FOXP4: variants seen among roughly 807,000 people sequenced by gnomAD.
The protein encoded by FOXP4 is forkhead box P4, also known as forkhead box protein P4.
Under a neutral mutation model 82.6 loss-of-function variants are expected in FOXP4, and 25 were observed. That is an observed-to-expected ratio of 0.30 (90% confidence interval 0.22 to 0.42). FOXP4 has a LOEUF of 0.42. Among genes scored for constraint, FOXP4 ranks in the 10% least tolerant of loss-of-function variants. The pLI is 1.00. For synonymous variants in FOXP4, 415 were observed against 388.2 expected, an observed-to-expected ratio of 1.07 and a Z score of -0.81; for missense variants, 785 against 900.9, an observed-to-expected ratio of 0.87 and a Z score of 1.65.
intron 2 of FOXP4, among the ~76,000 whole-genome samples, chr6:41,568,047 T>C (rs1168264823): frequency 6.6e-6 from 1 of 152,212 alleles, no homozygotes; most frequent in Non-Finnish European, 1.5e-5. Context: ...TAAAATGAAA[T>C]AGTCCATGGG....
At chr6:41,547,917 C>T (rs778645017) in intron 1 of FOXP4, among the ~76,000 whole-genome samples, 4 of 152,216 alleles carry the variant, frequency 2.6e-5, no homozygotes, top group Admixed American at 6.5e-5. Context: ...CAGCCAGTGG[C>T]GCTAGAATGC....
At chr6:41,589,702 G>A in intron 9 of FOXP4, 69 bp from the exon 10 acceptor site, 1 of 1,501,396 alleles carries the variant, frequency 6.7e-7, no homozygotes, top group South Asian at 1.1e-5. Flanking sequence ...CCTGGCGGTG[G>A]AGGGGTGGGA....
At chr6:41,562,424 CT>C (rs1764636627) in intron 1 of FOXP4, among the ~76,000 whole-genome samples, 1 of 152,140 alleles carries the variant, frequency 6.6e-6, no homozygotes. Flanking sequence ...TGATCGGCCC[CT>C]GAATAGCTAT....
Position 41,588,960 on chromosome 6 carries a change from A to G in FOXP4, c.1065+229A>G, listed in dbSNP as rs190030904. Among the ~76,000 whole-genome samples, 263 of 152,322 alleles carry G rather than the reference A, an allele frequency of 1.7e-3. 3 individuals carry two copies. Among genetic ancestry groups the G allele is most frequent in the Middle Eastern group, 0.017 (5 of 294 alleles). On this transcript the variant is annotated intron_variant, in intron 9 of 16. Transcript: ENST00000307972. ...GGGCGTCTCTGCTGGGAGGTCCAGA[A>G]GAGACTCACGCTACATAGAAACATC... is the stretch of plus-strand genomic sequence containing the variant.
At position 41,587,802 on chromosome 6, in the gene FOXP4, C is replaced by T. The variant is rs1033643870; in HGVS notation, c.882C>T (p.His294=). 4.7e-5 allele frequency: 73 copies of T among 1,561,712 alleles called. No individual in the cohort carries two copies. Among genetic ancestry groups the T allele is most frequent in the Admixed American group, 3.7e-4 (20 of 53,386 alleles). ...VLTSRRDSSS[H]EETPGSHPLY... is the part of the protein sequence containing the mutation. ...CCTGCTGTCCTCCCAGCTCTTCCCA[C>T]GAGGAGACCCCCGGCTCCCACCCCC... The change falls in exon 8 of 17, where the codon CAC becomes CAT. Residue 294 remains histidine (H), a synonymous_variant. Coordinates refer to ENST00000307972, the MANE Select transcript of FOXP4 (RefSeq NM_001012426.2).
intron 1 of FOXP4, among the ~76,000 whole-genome samples, chr6:41,563,557 C>A (rs1242992823): frequency 6.6e-6 from 1 of 152,140 alleles, no homozygotes; most frequent in East Asian, 1.9e-4. Context: ...CTTCCACGGG[C>A]CTTGCTAAAT....
At chr6:41,582,986 T>C (rs747099833) in intron 3 of FOXP4, among the ~76,000 whole-genome samples, 1 of 152,010 alleles carries the variant, frequency 6.6e-6, no homozygotes, top group Non-Finnish European at 1.5e-5. Context: ...CCACCAGACT[T>C]TCCTGGTCTC....
At chr6:41,592,630 G>T (rs1372248891) in intron 13 of FOXP4, among the ~76,000 whole-genome samples, 35 of 152,120 alleles carry the variant, frequency 2.3e-4, no homozygotes, top group Admixed American at 2.2e-3. Context: ...GCCTTTAGGG[G>T]TAGTAATATA....
Position 41,587,116 on chromosome 6 carries a change from G to A in FOXP4, c.618G>A (p.Gln206=), listed in dbSNP as rs780421710. 4 of 1,608,224 alleles carry A rather than the reference G, an allele frequency of 2.5e-6. No individual in the cohort carries two copies. The South Asian group carries it at 3.3e-5, about 13-fold the overall frequency. ...AGAGGCAGGGGCTGGTCAGCCTGCA[G>A]CCCAACCAAGCCTCGGGGCCCCTCC... ...NLQRQGLVSL[Q]PNQASGPLQT... Residue 206 remains glutamine (Q), a synonymous_variant, in exon 6 of 17, where the codon CAG becomes CAA. Coordinates refer to ENST00000307972, the MANE Select transcript of FOXP4 (RefSeq NM_001012426.2).
At chr6:41,573,660 G>T (rs141630597) in intron 2 of FOXP4, among the ~76,000 whole-genome samples, 3 of 152,296 alleles carry the variant, frequency 2.0e-5, no homozygotes, top group African/African-American at 7.2e-5. Flanking sequence ...GACCTACTGG[G>T]TGCCTGGCAG....
At chr6:41,559,608 T>A (rs1018975640) in intron 1 of FOXP4, among the ~76,000 whole-genome samples, 1 of 152,242 alleles carries the variant, frequency 6.6e-6, no homozygotes. Context: ...AGGACACTGC[T>A]GCACTGCCTT....
chr6:41,570,353 G>C (rs1189642466), intron 2 of FOXP4: 4 of 471,136 alleles, frequency 8.5e-6, no homozygotes, highest in Non-Finnish European at 1.8e-5. Context: ...CCAGCTGCTG[G>C]GGAATGCTCA....
At chr6:41,597,678 GAC>G in intron 15 of FOXP4, 101 bp from the exon 16 acceptor site, 1 of 1,413,978 alleles carries the variant, frequency 7.1e-7, no homozygotes, top group African/African-American at 1.4e-5. Context: ...CCAGTAGGCA[GAC>G]ACACAGGCAG....
At chr6:41,570,811 G>T (rs554927800) in intron 2 of FOXP4, among the ~76,000 whole-genome samples, 95 of 152,166 alleles carry the variant, frequency 6.2e-4, no homozygotes, top group Non-Finnish European at 1.1e-3. Context: ...TTGAAGTGGG[G>T]AAGGCTGCAT....
intron 3 of FOXP4, among the ~76,000 whole-genome samples, chr6:41,583,324 G>T (rs1342095073): frequency 6.6e-6 from 1 of 151,980 alleles, no homozygotes; most frequent in Non-Finnish European, 1.5e-5. Context: ...CATGGCTTAA[G>T]GGGTGGTTCA....
chr6:41,577,980 T>C lies in FOXP4; in HGVS notation c.205-6T>C. On this transcript the variant is annotated splice_polypyrimidine_tract_variant and splice_region_variant and intron_variant, in intron 2 of 16. Transcript: ENST00000307972. Reference sequence around the variant, plus strand: ...GGCCATTGCTGACTCAGCCCCTGTCTTGCAGGCTCTCCAAGTGGCCCGGCA... The same window carrying C: ...GGCCATTGCTGACTCAGCCCCTGTCCTGCAGGCTCTCCAAGTGGCCCGGCA... 1 of 1,610,964 alleles carries C rather than the reference T, an allele frequency of 6.2e-7. No individual in the cohort carries two copies. Among genetic ancestry groups the C allele is most frequent in the Non-Finnish European group, 8.5e-7 (1 of 1,179,516 alleles).
At position 41,589,951 on chromosome 6, in the gene FOXP4, C is replaced by CGG; in HGVS notation, c.1150-11_1150-10insGG. The CGG allele has an allele frequency of 6.2e-7, 1 of 1,613,622 alleles. No homozygotes were observed. The highest frequency in any genetic ancestry group is 8.5e-7 in the Non-Finnish European group (1 of 1,179,826). On this transcript the variant is annotated splice_polypyrimidine_tract_variant and intron_variant, in intron 10 of 16. Coordinates refer to ENST00000307972, the MANE Select transcript of FOXP4 (RefSeq NM_001012426.2). ...CGGGCACTGGTCTCAGTACCCTCCC[C>CGG]GTTGCTCACAGCTGAACCCGGTCCC...
intron 1 of FOXP4, among the ~76,000 whole-genome samples, chr6:41,548,176 T>G (rs1763772825): frequency 6.6e-6 from 1 of 152,102 alleles, no homozygotes; most frequent in Non-Finnish European, 1.5e-5. Context: ...GTTTCCTCGC[T>G]CACTCGGCGC....
At chr6:41,588,776 C>T (rs1033099551) in intron 9 of FOXP4, 45 bp downstream of exon 9, 1 of 1,599,632 alleles carries the variant, frequency 6.3e-7, no homozygotes. Context: ...GGGCTCCAGC[C>T]CCTGCCCACC....
Sources: allele counts gnomAD v4.1 joint callset (sites outside exome capture counted in the v4.1 genomes callset), GRCh38; gene constraint gnomAD v4.1.1; transcripts MANE v1.5; gene names NCBI Gene and HGNC (gene_info 2026-07-23, HGNC 2026-07-21).